Variants in ARMC3 observed in about 807,000 individuals in gnomAD.
ARMC3 encodes the protein armadillo repeat-containing protein 3.
A neutral mutation model predicts 90.3 loss-of-function variants in ARMC3; 74 were observed. The observed-to-expected ratio is 0.82, with a 90% confidence interval of 0.68 to 0.99. The LOEUF is 0.99. Among genes scored for constraint, ARMC3 ranks in the 50% least tolerant of loss-of-function variants. ARMC3 has a pLI of 0.00. For synonymous variants in ARMC3, 334 were observed against 361.8 expected (o/e 0.92, Z 0.87); for missense variants, 958 against 1,042.8 (o/e 0.92, Z 1.12).
chr10:22,973,929 T>C (rs1319537472), intron 8 of ARMC3, among the ~76,000 whole-genome samples: 2 of 151,874 alleles, frequency 1.3e-5, no homozygotes, highest in African/African-American at 4.8e-5. Flanking sequence ...CAGCTAATTT[T>C]TTGTATTTTT....
chr10:23,037,863 G>C lies in ARMC3; in HGVS notation c.*384G>C, dbSNP rs541152814. ...ATCTTTCATGCCCAGAATGCTTCAG[G>C]CATGCTCAGTTAAGCAAACTAAGTG... On this transcript the variant is annotated 3_prime_UTR_variant, in exon 19 of 19. Coordinates refer to ENST00000298032, the MANE Select transcript of ARMC3 (RefSeq NM_173081.5). 30 of 163,610 alleles carry C rather than the reference G, an allele frequency of 1.8e-4. No individual in the cohort carries two copies. Among genetic ancestry groups the C allele is most frequent in the Non-Finnish European group, 4.0e-4 (30 of 75,860 alleles). 10.1% of individuals were successfully genotyped at this position (163,610 alleles called of 1,614,324 possible).
chr10:22,979,197 C>T (rs1222993486), intron 8 of ARMC3, among the ~76,000 whole-genome samples: 1 of 152,156 alleles, frequency 6.6e-6, no homozygotes, highest in East Asian at 1.9e-4. Flanking sequence ...TTTAGGGGTA[C>T]TGAACAAATG....
At chr10:23,021,062 T>C (rs573740213) in intron 16 of ARMC3, among the ~76,000 whole-genome samples, 16 of 152,280 alleles carry the variant, frequency 1.1e-4, no homozygotes, top group Admixed American at 2.0e-4. Flanking sequence ...GAACATGTGG[T>C]ATTTGGTTTT....
intron 16 of ARMC3, among the ~76,000 whole-genome samples, chr10:23,028,935 C>T (rs1838817542): frequency 6.6e-6 from 1 of 152,132 alleles, no homozygotes; most frequent in Non-Finnish European, 1.5e-5. Flanking sequence ...GGGGACTTCC[C>T]TTTAGGTCCT....
At chr10:23,025,491 A>G (rs928709090) in intron 16 of ARMC3, among the ~76,000 whole-genome samples, 1 of 152,182 alleles carries the variant, frequency 6.6e-6, no homozygotes, top group Non-Finnish European at 1.5e-5. Flanking sequence ...GCACTTCTCA[A>G]TAATCCATGG....
chr10:22,986,109 C>CA (rs1554779887), intron 10 of ARMC3, among the ~76,000 whole-genome samples: 5 of 142,280 alleles, frequency 3.5e-5, no homozygotes, highest in Middle Eastern at 3.6e-3. Context: ...CTGCACTGCA[C>CA]GCCCCCCCCC....
intron 10 of ARMC3, among the ~76,000 whole-genome samples, chr10:22,994,025 G>A (rs1249502665): frequency 6.6e-6 from 1 of 152,086 alleles, no homozygotes; most frequent in Non-Finnish European, 1.5e-5. Flanking sequence ...TTTTTAAATT[G>A]TTACTTTTTT....
intron 13 of ARMC3, among the ~76,000 whole-genome samples, chr10:23,006,260 AG>A: frequency 6.6e-6 from 1 of 152,344 alleles, no homozygotes; most frequent in Admixed American, 6.5e-5. Flanking sequence ...AACGAAGGCC[AG>A]GTTAAAGGCC....
intron 3 of ARMC3, among the ~76,000 whole-genome samples, chr10:22,951,189 G>A (rs533266809): frequency 9.2e-5 from 14 of 152,156 alleles, no homozygotes; most frequent in South Asian, 2.1e-4. Context: ...CACCTGTCTC[G>A]GCCTCCCAAA....
chr10:22,987,508 GT>G (rs1366782673), intron 10 of ARMC3, among the ~76,000 whole-genome samples: 1 of 152,198 alleles, frequency 6.6e-6, no homozygotes, highest in Non-Finnish European at 1.5e-5. Context: ...TAGTATAAAT[GT>G]TGGCTAGACA....
In ARMC3 at chr10:22,955,943, A is replaced by C. The variant is rs1163794891; in HGVS notation, c.292+11A>C. ...TCCTGGCTTCTAATAGTAAGTATCAACTTTTAAAAATAATCAAATAATCCC... is the reference window on the plus strand; with the variant it reads ...TCCTGGCTTCTAATAGTAAGTATCACCTTTTAAAAATAATCAAATAATCCC... On this transcript the variant is annotated intron_variant, in intron 4 of 18. Coordinates refer to ENST00000298032, the MANE Select transcript of ARMC3 (RefSeq NM_173081.5). 3.8e-6 allele frequency: 6 copies of C among 1,571,476 alleles called. No individual in the cohort carries two copies. The African/African-American group carries it at 8.2e-5, about 21-fold the overall frequency.
intron 16 of ARMC3, among the ~76,000 whole-genome samples, chr10:23,016,267 A>G (rs921231720): frequency 6.6e-6 from 1 of 152,190 alleles, no homozygotes; most frequent in Non-Finnish European, 1.5e-5. Context: ...TGGGTTCATG[A>G]CCTGTATTTC....
rs895206110 is a variant in ARMC3 at position 22,955,933 on chromosome 10, G to A, written c.292+1G>A. 6.3e-6 allele frequency: 10 copies of A among 1,595,938 alleles called. No individual in the cohort carries two copies. The highest frequency in any genetic ancestry group is 2.2e-5 in the East Asian group (1 of 44,716). On this transcript the variant is annotated splice_donor_variant, in intron 4 of 18. Coordinates refer to ENST00000298032, the MANE Select transcript of ARMC3 (RefSeq NM_173081.5). LOFTEE classifies it high-confidence loss of function. The stretch of plus-strand genomic sequence containing the variant: ...ATATTTGGAATCCTGGCTTCTAATA[G>A]TAAGTATCAACTTTTAAAAATAATC...
chr10:22,959,545 T>C lies in ARMC3; in HGVS notation c.508T>C (p.Ser170Pro), dbSNP rs1835103463. ...CCCTGACCCGGATGTAAAGAAGAAC[T>C]CTATGGAATGCATTTACAACTTGGT... ...SSPDPDVKKNSMECIYNLVQD... is the reference protein window; with the variant it reads ...SSPDPDVKKNPMECIYNLVQD... The change falls in exon 6 of 19, where the codon TCT becomes CCT. Residue 170 changes from serine to proline, a missense_variant. By Grantham distance (74) the Ser-to-Pro change is moderately conservative. Transcript: ENST00000298032. The C allele has an allele frequency of 6.2e-7, 1 of 1,606,156 alleles. No homozygotes were observed. The highest frequency in any genetic ancestry group is 1.7e-5 in the Admixed American group (1 of 57,558).
intron 4 of ARMC3, among the ~76,000 whole-genome samples, chr10:22,956,962 C>T (rs1246056997): frequency 6.6e-6 from 1 of 151,954 alleles, no homozygotes; most frequent in Admixed American, 6.6e-5. Context: ...TTTTCCTTGT[C>T]ATTTTCTAAT....
rs990120724 is a variant in ARMC3 at position 22,966,775 on chromosome 10, A to G, written c.733-1531A>G. Among the ~76,000 whole-genome samples the G allele has an allele frequency of 3.9e-5, 6 of 152,286 alleles. No individual in the cohort carries two copies. In the South Asian group the frequency reaches 1.2e-3, roughly 32 times the overall value. On this transcript the variant is annotated intron_variant, in intron 7 of 18. Transcript: ENST00000298032. ...TACATGGCAGCAGATGACCATGTGA[A>G]GGAGGAACTGTCAAACACTTATAAA...
At chr10:23,011,537 G>A (rs908963754) in intron 16 of ARMC3, among the ~76,000 whole-genome samples, 1 of 152,180 alleles carries the variant, frequency 6.6e-6, no homozygotes, top group Admixed American at 6.5e-5. Context: ...ACCATACAAG[G>A]ATATAAAGGA....
chr10:22,996,277 G>C (rs1208973208), intron 10 of ARMC3, among the ~76,000 whole-genome samples: 5 of 151,964 alleles, frequency 3.3e-5, no homozygotes, highest in African/African-American at 1.2e-4. Flanking sequence ...CCTAATGAAC[G>C]CCATGCCAAT....
At chr10:23,013,323 G>T (rs144420502) in intron 16 of ARMC3, among the ~76,000 whole-genome samples, 3 of 152,256 alleles carry the variant, frequency 2.0e-5, no homozygotes, top group Middle Eastern at 3.4e-3. Context: ...TGCTTGTTTT[G>T]TGGCAAGTTC....
Sources: gnomAD v4.1 joint callset for allele counts (sites outside exome capture counted in the v4.1 genomes callset) on GRCh38, gnomAD v4.1.1 for gene constraint, MANE v1.5 for transcripts, NCBI Gene and HGNC (gene_info 2026-07-23, HGNC 2026-07-21) for gene names.